Variants in GNAL observed in about 807,000 individuals in gnomAD.
The protein encoded by GNAL is guanine nucleotide-binding protein G(olf) subunit alpha.
Under a neutral mutation model 55.1 loss-of-function variants are expected in GNAL, and 18 were observed. The observed-to-expected ratio is 0.33, with a 90% CI of 0.23 to 0.48. GNAL has a LOEUF of 0.48. GNAL is among the 20% of genes least tolerant of loss of function. GNAL has a pLI of 0.99. For missense variants in GNAL, 412 were observed against 614.1 expected (o/e 0.67, Z 3.48); for synonymous variants, 253 against 237.0 (o/e 1.07, Z -0.62).
chr18:11,717,859 T>C (rs2032010250), intron 1 of GNAL, among the ~76,000 whole-genome samples: 1 of 152,136 alleles, frequency 6.6e-6, no homozygotes, highest in Non-Finnish European at 1.5e-5. Flanking sequence ...ACCTGGGTAA[T>C]GAAATAATCT....
Position 11,751,384 on chromosome 18 carries a change from G to T in GNAL, c.377-1469G>T. ...CACAGTGCCTTCTGGAAGAGTTGTT[G>T]TGCTGCTTGGGAGCACTGCACAGGA... is the stretch of plus-strand genomic sequence containing the variant. On this transcript the variant is annotated intron_variant, in intron 1 of 11. Coordinates refer to ENST00000334049, the MANE Select transcript of GNAL (RefSeq NM_182978.4). The surrounding 1 kb of genome is among the most constrained non-coding windows in gnomAD (Gnocchi z 4.5). 7.5e-6 allele frequency: 3 copies of T among 401,300 alleles called. No homozygotes were observed. Among genetic ancestry groups the T allele is most frequent in the Non-Finnish European group, 1.0e-5 (3 of 295,742 alleles). The allele number at this position is 401,300 out of a possible 1,614,324, so 24.9% of individuals were successfully genotyped here.
chr18:11,813,163 G>A (rs2034861893), intron 4 of GNAL, among the ~76,000 whole-genome samples: 1 of 151,620 alleles, frequency 6.6e-6, no homozygotes, highest in Admixed American at 6.6e-5. Context: ...GCTGAGGCAG[G>A]AGAATTGGTG....
intron 5 of GNAL, among the ~76,000 whole-genome samples, chr18:11,837,881 C>T (rs945899497): frequency 3.3e-5 from 5 of 152,192 alleles, no homozygotes; most frequent in African/African-American, 7.2e-5. Flanking sequence ...TGGCTCACAC[C>T]TGTAATCCCA....
intron 4 of GNAL, among the ~76,000 whole-genome samples, chr18:11,806,083 T>C (rs973957861): frequency 1.3e-5 from 2 of 152,228 alleles, no homozygotes; most frequent in Non-Finnish European, 2.9e-5. Context: ...TTAATTTGCA[T>C]TTATCTGATG....
chr18:11,743,725 T>TA (rs2032628935), intron 1 of GNAL, among the ~76,000 whole-genome samples: 1 of 152,260 alleles, frequency 6.6e-6, no homozygotes, highest in Admixed American at 6.5e-5. Context: ...AAAATGCTGC[T>TA]AGGCTATTTG....
chr18:11,802,452 G>A (rs563432952), intron 4 of GNAL, among the ~76,000 whole-genome samples: 2 of 152,074 alleles, frequency 1.3e-5, no homozygotes, highest in African/African-American at 2.4e-5. Flanking sequence ...TCTTGATTTC[G>A]AAACACACTC....
intron 8 of GNAL, among the ~76,000 whole-genome samples, 155 bp downstream of exon 8, chr18:11,867,381 A>T (rs1319075225): frequency 6.6e-6 from 1 of 152,110 alleles, no homozygotes; most frequent in South Asian, 2.1e-4. Flanking sequence ...TAATCTCATT[A>T]AAAAAAGCAT....
chr18:11,751,629 C>T lies in GNAL; in HGVS notation c.377-1224C>T, dbSNP rs922369286. The T allele has an allele frequency of 3.4e-5, 34 of 985,508 alleles. No homozygotes were observed. Among genetic ancestry groups the T allele is most frequent in the Non-Finnish European group, 4.1e-5 (34 of 829,996 alleles). The allele number at this position is 985,508 out of a possible 1,614,324, so 61.0% of individuals were successfully genotyped here. A position where few individuals can be genotyped will look rare whatever the true frequency, so the allele number is the denominator to read the frequency against. Reference sequence around the variant, plus strand: ...GGGCGCGCGCCCAGACGCACTTTCCCGGCTCGGGGTGCAAGAGAGCCAGGC... The same window carrying T: ...GGGCGCGCGCCCAGACGCACTTTCCTGGCTCGGGGTGCAAGAGAGCCAGGC... On this transcript the variant is annotated intron_variant, in intron 1 of 11. Coordinates refer to ENST00000334049, the MANE Select transcript of GNAL (RefSeq NM_182978.4). The surrounding 1 kb of genome is among the most constrained non-coding windows in gnomAD (Gnocchi z 4.5).
In GNAL at chr18:11,797,192, A is replaced by G. The variant is rs191240038; in HGVS notation, c.625-27726A>G. Among the ~76,000 whole-genome samples the G allele has an allele frequency of 5.0e-3, 763 of 152,144 alleles. 4 individuals are homozygous for G. Among genetic ancestry groups the G allele is most frequent in the African/African-American group, 0.017 (722 of 41,528 alleles). On this transcript the variant is annotated intron_variant, in intron 4 of 11. Coordinates refer to ENST00000334049, the MANE Select transcript of GNAL (RefSeq NM_182978.4). ...GGTGATCCACCCCCCTTGGCCTCCC[A>G]AAGTGCTGGGATTACAGGCGTGAGC...
chr18:11,816,338 C>T (rs1271238865), intron 4 of GNAL, among the ~76,000 whole-genome samples: 2 of 151,848 alleles, frequency 1.3e-5, no homozygotes, highest in Non-Finnish European at 2.9e-5. Flanking sequence ...GCTCTGTCAC[C>T]CAGGCTGGAG....
chr18:11,695,133 G>A (rs764562039), intron 1 of GNAL, among the ~76,000 whole-genome samples: 10 of 152,150 alleles, frequency 6.6e-5, no homozygotes, highest in Admixed American at 1.3e-4. Context: ...CGGGGAGTGC[G>A]TGCCCTGTCT....
At chr18:11,806,060 T>A (rs1373908234) in intron 4 of GNAL, among the ~76,000 whole-genome samples, 4 of 152,230 alleles carry the variant, frequency 2.6e-5, no homozygotes, top group African/African-American at 9.7e-5. Context: ...TAAGATGATA[T>A]CTCACTGTGG....
At chr18:11,712,208 A>T (rs2031855240) in intron 1 of GNAL, among the ~76,000 whole-genome samples, 1 of 152,228 alleles carries the variant, frequency 6.6e-6, no homozygotes, top group Admixed American at 6.5e-5. Context: ...TGGGTGAAGC[A>T]AGATATAAAT....
At chr18:11,743,266 C>T (rs907103356) in intron 1 of GNAL, among the ~76,000 whole-genome samples, 2 of 149,140 alleles carry the variant, frequency 1.3e-5, no homozygotes, top group African/African-American at 2.5e-5. Flanking sequence ...GGGATTAACA[C>T]GTGGATGTCA....
At chr18:11,776,729 A>AAAG (rs367983717) in intron 4 of GNAL, among the ~76,000 whole-genome samples, 2 of 145,964 alleles carry the variant, frequency 1.4e-5, no homozygotes, top group African/African-American at 5.2e-5. Flanking sequence ...AAAAAAAAAA[A>AAAG]GAATTTACAC....
chr18:11,794,832 TTTTGTTTG>T (rs113337660), intron 4 of GNAL, among the ~76,000 whole-genome samples: 1 of 151,602 alleles, frequency 6.6e-6, no homozygotes. Flanking sequence ...GCACTTTGTT[TTTTGTTTG>T]TTTGTTTGTT....
chr18:11,707,641 G>A (rs893596060), intron 1 of GNAL, among the ~76,000 whole-genome samples: 3 of 152,186 alleles, frequency 2.0e-5, no homozygotes, highest in Admixed American at 6.5e-5. Flanking sequence ...CTAACAAGAA[G>A]TCAGCCTGTC....
intron 1 of GNAL, among the ~76,000 whole-genome samples, chr18:11,721,566 G>A (rs953959273): frequency 1.3e-5 from 2 of 151,738 alleles, no homozygotes; most frequent in African/African-American, 2.4e-5. Flanking sequence ...GACCAGACTC[G>A]CCAACATGGT....
At chr18:11,862,994 T>C (rs546311315) in intron 6 of GNAL, among the ~76,000 whole-genome samples, 127 of 151,814 alleles carry the variant, frequency 8.4e-4, no homozygotes, top group African/African-American at 3.0e-3. Context: ...TTCTCCTGCC[T>C]CAGCCTTCCA....
Sources: gnomAD v4.1 joint callset for allele counts (sites outside exome capture counted in the v4.1 genomes callset) on GRCh38, gnomAD v4.1.1 for gene constraint, Gnocchi (gnomAD v3.1) non-coding constraint, MANE v1.5 for transcripts, NCBI Gene and HGNC (gene_info 2026-07-23, HGNC 2026-07-21) for gene names.